The following PIBF1 variants were observed in gnomAD, a reference collection of about 807,000 sequenced individuals.
PIBF1 encodes progesterone immunomodulatory binding factor 1, also known as progesterone-induced-blocking factor 1.
Under a neutral mutation model 112.5 loss-of-function variants are expected in PIBF1, and 90 were observed. The observed-to-expected ratio is 0.80, with a 90% CI of 0.67 to 0.95. The LOEUF (loss-of-function observed/expected upper bound fraction) is 0.95, where lower values mean the gene tolerates loss of function less well. Among genes scored for constraint, PIBF1 ranks in the 40% least tolerant of loss-of-function variants. The pLI is 0.00. For synonymous variants in PIBF1, 301 were observed against 288.6 expected, an observed-to-expected ratio of 1.04 and a Z score of -0.44; for missense variants, 915 against 852.3, an observed-to-expected ratio of 1.07 and a Z score of -0.92.
At chr13:73,008,565 G>A (rs1442184218) in intron 17 of PIBF1, among the ~76,000 whole-genome samples, 2 of 152,114 alleles carry the variant, frequency 1.3e-5, no homozygotes, top group Non-Finnish European at 2.9e-5. Flanking sequence ...ACTATTCCAA[G>A]CAGTAGAGAT....
At chr13:72,913,215 GTACATTTCAAAACTTT>G (rs1360195287) in intron 12 of PIBF1, among the ~76,000 whole-genome samples, 1 of 151,938 alleles carries the variant, frequency 6.6e-6, no homozygotes, top group African/African-American at 2.4e-5. Flanking sequence ...ACACATGTCT[GTACATTTCAAAACTTT>G]TACATTTCAA....
chr13:72,798,085 C>T, intron 5 of PIBF1, 59 bp downstream of exon 5: 1 of 1,521,898 alleles, frequency 6.6e-7, no homozygotes, highest in Non-Finnish European at 8.8e-7. Context: ...TAGAGTCCCT[C>T]AGGATTTGTG....
chr13:72,838,964 G>A (rs1280320632), intron 9 of PIBF1, among the ~76,000 whole-genome samples: 1 of 152,168 alleles, frequency 6.6e-6, no homozygotes, highest in Non-Finnish European at 1.5e-5. Flanking sequence ...GAGAGGCAGG[G>A]AGTTAAAAGA....
chr13:72,903,647 G>A (rs144631309), intron 11 of PIBF1, among the ~76,000 whole-genome samples: 1 of 152,184 alleles, frequency 6.6e-6, no homozygotes, highest in East Asian at 1.9e-4. Flanking sequence ...TAATGACTCT[G>A]GTATTAGACT....
At chr13:72,837,667 CT>C (rs1191780331) in intron 9 of PIBF1, among the ~76,000 whole-genome samples, 1 of 152,070 alleles carries the variant, frequency 6.6e-6, no homozygotes, top group Non-Finnish European at 1.5e-5. Context: ...ATGCTAATAA[CT>C]TCCTTGCTTC....
At chr13:72,849,813 C>CT (rs1882698809) in intron 9 of PIBF1, among the ~76,000 whole-genome samples, 1 of 152,130 alleles carries the variant, frequency 6.6e-6, no homozygotes, top group African/African-American at 2.4e-5. Context: ...CTGTAGCATA[C>CT]TTCCTGTGTG....
intron 14 of PIBF1, among the ~76,000 whole-genome samples, chr13:72,951,006 G>T (rs141524748): frequency 1.8e-3 from 277 of 152,314 alleles, no homozygotes; most frequent in Middle Eastern, 6.8e-3. Context: ...AAAGGCATCA[G>T]ACCTATAGAT....
chr13:72,974,220 T>C (rs2042966218), intron 16 of PIBF1: 1 of 152,478 alleles, frequency 6.6e-6, no homozygotes, highest in South Asian at 2.1e-4. Flanking sequence ...AGTTATAATC[T>C]ACAAAGAATA....
intron 9 of PIBF1, among the ~76,000 whole-genome samples, chr13:72,843,848 A>C (rs1257765762): frequency 6.6e-6 from 1 of 152,208 alleles, no homozygotes; most frequent in Non-Finnish European, 1.5e-5. Context: ...GATTAGTAGA[A>C]GGAACCCTAA....
At chr13:72,809,971 A>AT (rs1342323177) in intron 5 of PIBF1, among the ~76,000 whole-genome samples, 3 of 152,022 alleles carry the variant, frequency 2.0e-5, no homozygotes, top group African/African-American at 4.8e-5. Flanking sequence ...TCCTTTTGTA[A>AT]TTTTTTCCAG....
rs574157407 is a variant in PIBF1, at chr13:72,926,810, G to A, written c.1731-4355G>A. 9.2e-5 allele frequency among the ~76,000 whole-genome samples: 14 copies of A among 152,160 alleles called. No individual in the cohort carries two copies. In the South Asian group the frequency reaches 2.5e-3, roughly 27 times the overall value. On this transcript the variant is annotated intron_variant, in intron 13 of 17. Transcript: ENST00000326291. ...TTAGTATAGTTTTTATTCCTTAGTG[G>A]TATGCCTTTTCTTAGCATTTAGCAT... is the stretch of plus-strand genomic sequence containing the variant.
chr13:73,010,840 T>TTTTTTTTA (rs2044180451), intron 17 of PIBF1, among the ~76,000 whole-genome samples: 1 of 97,648 alleles, frequency 1.0e-5, no homozygotes, highest in Non-Finnish European at 2.1e-5. Context: ...TTTTTTTTTT[T>TTTTTTTTA]GAGACAGAGT....
At chr13:73,009,628 A>G (rs2044136465) in intron 17 of PIBF1, among the ~76,000 whole-genome samples, 1 of 152,208 alleles carries the variant, frequency 6.6e-6, no homozygotes, top group Non-Finnish European at 1.5e-5. Flanking sequence ...ATGTGGTTAG[A>G]ACATGACAGT....
intron 17 of PIBF1, among the ~76,000 whole-genome samples, chr13:73,014,064 C>T (rs2044310752): frequency 6.7e-6 from 1 of 150,354 alleles, no homozygotes; most frequent in Non-Finnish European, 1.5e-5. Flanking sequence ...CCCTCCCCTC[C>T]ACTCCCCTCT....
intron 13 of PIBF1, among the ~76,000 whole-genome samples, chr13:72,929,887 G>T (rs2041648866): frequency 6.6e-6 from 1 of 151,946 alleles, no homozygotes; most frequent in African/African-American, 2.4e-5. Context: ...TAGAGACAGG[G>T]TCTCTGTGTC....
chr13:72,942,302 A>C (rs2042035677), intron 14 of PIBF1, among the ~76,000 whole-genome samples: 2 of 149,572 alleles, frequency 1.3e-5, no homozygotes, highest in African/African-American at 4.9e-5. Flanking sequence ...TTTGTGTACC[A>C]CTGTGAGGAA....
chr13:72,835,968 G>A (rs535486659), intron 9 of PIBF1: 66 of 305,132 alleles, frequency 2.2e-4, no homozygotes, highest in African/African-American at 8.6e-4. Context: ...GCATGGTGGC[G>A]GGCGCCTGTA....
chr13:72,891,903 A>G (rs753893927), intron 10 of PIBF1, among the ~76,000 whole-genome samples: 1 of 152,180 alleles, frequency 6.6e-6, no homozygotes, highest in Non-Finnish European at 1.5e-5. Flanking sequence ...GATTCATTCT[A>G]CAACATGAAT....
At chr13:72,815,274 T>C (rs1040159513) in intron 5 of PIBF1, among the ~76,000 whole-genome samples, 2 of 152,332 alleles carry the variant, frequency 1.3e-5, no homozygotes, top group Admixed American at 6.5e-5. Flanking sequence ...GAAAGAATAA[T>C]CCATTGCATC....
Sources: gnomAD v4.1 joint callset for allele counts (sites outside exome capture counted in the v4.1 genomes callset) on GRCh38, gnomAD v4.1.1 for gene constraint, MANE v1.5 for transcripts, NCBI Gene and HGNC (gene_info 2026-07-23, HGNC 2026-07-21) for gene names.